VGLL3: variants seen among roughly 807,000 people sequenced by gnomAD.
The protein encoded by VGLL3 is vestigial like family member 3, also known as transcription cofactor vestigial-like protein 3.
VGLL3 carries 18 observed loss-of-function variants against 29.2 expected under a neutral mutation model. That is an observed-to-expected ratio of 0.62 (90% CI 0.43 to 0.91). VGLL3 has a LOEUF of 0.91. Among genes scored for constraint, VGLL3 ranks in the 40% least tolerant of loss-of-function variants. The pLI is 0.00. For missense variants in VGLL3, 440 were observed against 413.2 expected, an observed-to-expected ratio of 1.06 and a Z score of -0.56; for synonymous variants, 180 against 151.8, an observed-to-expected ratio of 1.19 and a Z score of -1.36.
intron 1 of VGLL3, among the ~76,000 whole-genome samples, chr3:86,980,693 A>T (rs1446848873): frequency 1.3e-5 from 2 of 152,152 alleles, no homozygotes; most frequent in African/African-American, 4.8e-5. Context: ...TTCCATTAAA[A>T]AATTAAATGA....
chr3:86,946,943 T>G lies in VGLL3; in HGVS notation c.*81A>C, dbSNP rs1704520121. On this transcript the variant is annotated 3_prime_UTR_variant, in exon 4 of 4. Coordinates refer to ENST00000398399, the MANE Select transcript of VGLL3 (RefSeq NM_016206.4). Reference sequence around the variant, plus strand: ...TTCTATGCCTTTCGTGTCCTATTGCTGAATGGAAAAACCCGACAGTATCTT... The same window carrying G: ...TTCTATGCCTTTCGTGTCCTATTGCGGAATGGAAAAACCCGACAGTATCTT... 1 of 766,588 alleles carries G rather than the reference T, an allele frequency of 1.3e-6. No homozygotes were observed. Among genetic ancestry groups the G allele is most frequent in the Non-Finnish European group, 2.4e-6 (1 of 410,886 alleles). The allele number at this position is 766,588 out of a possible 1,614,324, so 47.5% of individuals were successfully genotyped here.
At chr3:86,975,911 A>C (rs530626189) in intron 2 of VGLL3, among the ~76,000 whole-genome samples, 5 of 152,246 alleles carry the variant, frequency 3.3e-5, no homozygotes, top group Admixed American at 6.5e-5. Flanking sequence ...CAGGAGTTCA[A>C]GACCAGCCTG....
intron 2 of VGLL3, among the ~76,000 whole-genome samples, chr3:86,972,453 C>A (rs1705121670): frequency 6.6e-6 from 1 of 152,106 alleles, no homozygotes; most frequent in African/African-American, 2.4e-5. Context: ...GAAGTTTATA[C>A]TTCAAAATCA....
At chr3:86,962,469 C>T (rs1011782894) in intron 3 of VGLL3, 16 of 985,314 alleles carry the variant, frequency 1.6e-5, no homozygotes, top group African/African-American at 5.2e-5. Context: ...TACTTCATTC[C>T]TATGGCAGTT....
At chr3:86,965,941 C>T (rs924347048) in intron 3 of VGLL3, among the ~76,000 whole-genome samples, 3 of 152,178 alleles carry the variant, frequency 2.0e-5, no homozygotes, top group Admixed American at 6.5e-5. Context: ...ATCTGAGTCT[C>T]AGAGTCTGTT....
chr3:86,946,299 AAGC>A lies in VGLL3; in HGVS notation c.*722_*724del, dbSNP rs1704505292. ...CACAGTCATTAAAAAAAAACTTTTCAAGCTATACATATAATTCAAAACTAATTG... is the reference window on the plus strand; with the variant it reads ...CACAGTCATTAAAAAAAAACTTTTCATATACATATAATTCAAAACTAATTG... On this transcript the variant is annotated 3_prime_UTR_variant, in exon 4 of 4. Coordinates refer to ENST00000398399, the MANE Select transcript of VGLL3 (RefSeq NM_016206.4). 1.3e-5 allele frequency: 2 copies of A among 152,168 alleles called. No individual in the cohort carries two copies. Among genetic ancestry groups the A allele is most frequent in the Non-Finnish European group, 2.9e-5 (2 of 68,018 alleles). The allele number at this position is 152,168 out of a possible 1,614,324, so 9.4% of individuals were successfully genotyped here.
chr3:86,978,898 T>A, intron 1 of VGLL3, 96 bp from the exon 2 acceptor site: 4 of 1,337,674 alleles, frequency 3.0e-6, no homozygotes, highest in Admixed American at 2.5e-5. Context: ...AATCTAAATA[T>A]TAACATATGT....
At position 86,946,796 on chromosome 3, in the gene VGLL3, T is replaced by C; in HGVS notation, c.*228A>G. On this transcript the variant is annotated 3_prime_UTR_variant, in exon 4 of 4. Transcript: ENST00000398399. ...ATAACAAAAGGAGAGAGTTGCACAG[T>C]TGGCAAAGGCTCAGATGAGGAAATA... 1 of 453,676 alleles carries C rather than the reference T, an allele frequency of 2.2e-6. No homozygotes were observed. Among genetic ancestry groups the C allele is most frequent in the Non-Finnish European group, 3.9e-6 (1 of 255,216 alleles). The allele number at this position is 453,676 out of a possible 1,614,324, so 28.1% of individuals were successfully genotyped here.
chr3:86,944,498 G>C lies in VGLL3; in HGVS notation c.*2526C>G, dbSNP rs183024320. 6.6e-6 allele frequency: 1 copy of C among 152,328 alleles called. No homozygotes were observed. Among genetic ancestry groups the C allele is most frequent in the African/African-American group, 2.4e-5 (1 of 41,424 alleles). The allele number at this position is 152,328 out of a possible 1,614,324, so 9.4% of individuals were successfully genotyped here. On this transcript the variant is annotated 3_prime_UTR_variant, in exon 4 of 4. Coordinates refer to ENST00000398399, the MANE Select transcript of VGLL3 (RefSeq NM_016206.4). The stretch of plus-strand genomic sequence containing the variant: ...TCCTGGGCTCAAGCAATCCTCCCGA[G>C]CCTCTGCCTCCTATAATACTAGGAT...
intron 3 of VGLL3, among the ~76,000 whole-genome samples, chr3:86,968,283 T>C (rs1452801634): frequency 4.6e-5 from 7 of 152,240 alleles, no homozygotes; most frequent in Admixed American, 4.6e-4. Context: ...CTCAGAGACA[T>C]GGGAGATTTA....
chr3:86,973,014 T>G (rs1161873335), intron 2 of VGLL3, among the ~76,000 whole-genome samples: 2 of 152,112 alleles, frequency 1.3e-5, no homozygotes, highest in Non-Finnish European at 2.9e-5. Context: ...CAGGTATTTC[T>G]TTCAATTTCA....
chr3:86,943,448 T>C lies in VGLL3; in HGVS notation c.*3576A>G, dbSNP rs1209430748. 1 of 152,138 alleles carries C rather than the reference T, an allele frequency of 6.6e-6. No individual in the cohort carries two copies. Among genetic ancestry groups the C allele is most frequent in the African/African-American group, 2.4e-5 (1 of 41,446 alleles). 9.4% of individuals were successfully genotyped at this position (152,138 alleles called of 1,614,324 possible). ...TAGAATAGGAATGGGCAAATACTTT[T>C]TGTATAATGAATAACAAGCTTCTCA... On this transcript the variant is annotated 3_prime_UTR_variant, in exon 4 of 4. Coordinates refer to ENST00000398399, the MANE Select transcript of VGLL3 (RefSeq NM_016206.4).
chr3:86,949,802 G>A (rs1445074044), intron 3 of VGLL3, among the ~76,000 whole-genome samples: 23 of 148,226 alleles, frequency 1.6e-4, no homozygotes, highest in Middle Eastern at 3.7e-3. Context: ...ACTCCAGCCT[G>A]GGTGACAGAG....
intron 3 of VGLL3, among the ~76,000 whole-genome samples, chr3:86,968,346 A>G (rs1194932927): frequency 6.6e-6 from 1 of 152,182 alleles, no homozygotes; most frequent in Non-Finnish European, 1.5e-5. Flanking sequence ...TCCATTTCAA[A>G]GGAACAGACT....
At chr3:86,959,033 G>A (rs565056495) in intron 3 of VGLL3, among the ~76,000 whole-genome samples, 1 of 152,104 alleles carries the variant, frequency 6.6e-6, no homozygotes, top group South Asian at 2.1e-4. Flanking sequence ...TCCAGAAAAA[G>A]TATTTCCATT....
chr3:86,979,632 A>T lies in VGLL3; in HGVS notation c.127-830T>A, dbSNP rs1321954019. On this transcript the variant is annotated intron_variant, in intron 1 of 3. Transcript: ENST00000398399. ...CACCTCACTTAATCTTTACAATTCT[A>T]TAACATGGCTATTAATACTATCCAT... Among the ~76,000 whole-genome samples, 25 of 152,206 alleles carry T rather than the reference A, an allele frequency of 1.6e-4. 1 individual carries two copies. Among genetic ancestry groups the T allele is most frequent in the Admixed American group, 1.6e-3 (24 of 15,276 alleles).
At chr3:86,957,762 G>T (rs912099824) in intron 3 of VGLL3, among the ~76,000 whole-genome samples, 1 of 152,098 alleles carries the variant, frequency 6.6e-6, no homozygotes, top group Non-Finnish European at 1.5e-5. Flanking sequence ...TTGGGAGGGG[G>T]TAATAAATTA....
chr3:86,962,564 A>T (rs1704874913), intron 3 of VGLL3: 3 of 968,796 alleles, frequency 3.1e-6, no homozygotes, highest in South Asian at 9.5e-5. Context: ...TAAAAAACAA[A>T]AATTTAAATT....
chr3:86,981,431 C>G (rs1237385161), intron 1 of VGLL3, among the ~76,000 whole-genome samples: 1 of 151,826 alleles, frequency 6.6e-6, no homozygotes, highest in East Asian at 1.9e-4. Flanking sequence ...AAATATCTGT[C>G]ATCAGTTTAT....
Sources: gnomAD v4.1 joint callset for allele counts (sites outside exome capture counted in the v4.1 genomes callset) on GRCh38, gnomAD v4.1.1 for gene constraint, MANE v1.5 for transcripts, NCBI Gene and HGNC (gene_info 2026-07-23, HGNC 2026-07-21) for gene names.